Variants in NSUN7 observed in about 807,000 individuals in gnomAD.
NSUN7 encodes protein NSUN7.
NSUN7 carries 39 observed loss-of-function variants against 58.5 expected under a neutral mutation model. That is an observed-to-expected ratio of 0.67 (90% CI 0.52 to 0.87). NSUN7 has a LOEUF of 0.87. NSUN7 is among the 40% of genes least tolerant of loss of function. NSUN7 has a pLI of 0.00. For synonymous variants in NSUN7, 278 were observed against 303.7 expected (o/e 0.92, Z 0.88); for missense variants, 765 against 844.1 (o/e 0.91, Z 1.16).
At chr4:40,783,575 C>T (rs1272786104) in intron 7 of NSUN7, among the ~76,000 whole-genome samples, 4 of 152,120 alleles carry the variant, frequency 2.6e-5, no homozygotes, top group Non-Finnish European at 4.4e-5. Context: ...TGGCCAGGCA[C>T]GGTGGCTCAT....
chr4:40,784,040 A>T (rs549650348), intron 7 of NSUN7, among the ~76,000 whole-genome samples: 3 of 152,334 alleles, frequency 2.0e-5, no homozygotes, highest in African/African-American at 4.8e-5. Flanking sequence ...ATGTGAAAAG[A>T]TGCTCAAAAT....
intron 4 of NSUN7, chr4:40,773,358 C>T (rs867976536): frequency 1.3e-5 from 2 of 152,232 alleles, no homozygotes; most frequent in Non-Finnish European, 2.9e-5. Flanking sequence ...GTTTGTCTGA[C>T]TCTAAATCCT....
At chr4:40,760,544 G>A (rs1181673162) in intron 3 of NSUN7, 52 bp downstream of exon 3, 2 of 1,430,526 alleles carry the variant, frequency 1.4e-6, no homozygotes, top group Non-Finnish European at 9.7e-7. Context: ...TTTTAAAAAA[G>A]AAAGTGTTTA....
chr4:40,774,288 C>T lies in NSUN7; in HGVS notation c.512C>T (p.Ala171Val). 6.2e-7 allele frequency: 1 copy of T among 1,614,062 alleles called. No individual in the cohort carries two copies. The highest frequency in any genetic ancestry group is 1.3e-5 in the African/African-American group (1 of 75,040). The change falls in exon 5 of 12, where the codon GCA (alanine) becomes GTA (valine). Residue 171 changes from alanine to valine, a missense_variant. Coordinates refer to ENST00000381782, the MANE Select transcript of NSUN7 (RefSeq NM_024677.6). ...AGTTTTAAGATAAAATTGGCTGCAG[C>T]ATTGGCAAGATGTCGAATCAAGCAT... is the stretch of plus-strand genomic sequence containing the variant. ...LNSFKIKLAA[A>V]LARCRIKHDA... is the part of the protein sequence containing the mutation.
Position 40,807,139 on chromosome 4 carries a change from A to G in NSUN7, c.1479A>G (p.Pro493=), listed in dbSNP as rs1004410392. The change falls in exon 11 of 12, where the codon CCA becomes CCG. Residue 493 remains proline, a synonymous_variant. Transcript: ENST00000381782. ...CTGATAAATTTTTCAGAATGGAACC[A>G]TCTGAAATTACCAATGGTTGTTTTC... The part of the protein sequence containing the change: ...LSTDKFFRME[P]SEITNGCFLS... 6.4e-7 allele frequency: 1 copy of G among 1,550,456 alleles called. No homozygotes were observed. The highest frequency in any genetic ancestry group is 1.4e-5 in the African/African-American group (1 of 73,020).
At chr4:40,770,768 G>A (rs1231288337) in intron 4 of NSUN7, among the ~76,000 whole-genome samples, 1 of 152,082 alleles carries the variant, frequency 6.6e-6, no homozygotes, top group Non-Finnish European at 1.5e-5. Context: ...AATAAACTGA[G>A]GTGGCTGGGC....
At chr4:40,807,356 T>C (rs1337449404) in intron 11 of NSUN7, among the ~76,000 whole-genome samples, 172 bp downstream of exon 11, 47 of 151,702 alleles carry the variant, frequency 3.1e-4, no homozygotes, top group Middle Eastern at 3.4e-3. Context: ...TGTTCTTTTT[T>C]TTTTTTTTTT....
chr4:40,764,842 A>G (rs1336485433), intron 4 of NSUN7, among the ~76,000 whole-genome samples: 6 of 152,102 alleles, frequency 3.9e-5, no homozygotes, highest in Non-Finnish European at 8.8e-5. Context: ...GATGATGAGC[A>G]TTTTCTCATG....
intron 8 of NSUN7, among the ~76,000 whole-genome samples, chr4:40,791,017 T>A (rs1743053017): frequency 6.6e-6 from 1 of 152,152 alleles, no homozygotes; most frequent in African/African-American, 2.4e-5. Context: ...ATTCTGAATA[T>A]ACCAGAGCTC....
chr4:40,807,156 G>C lies in NSUN7; in HGVS notation c.1496G>C (p.Gly499Ala). ...FRMEPSEITN[G>A]CFLSILTRER... ...ATGGAACCATCTGAAATTACCAATG[G>C]TTGTTTTCTTTCTATTTTAACAAGG... Residue 499 changes from glycine (G) to alanine (A), a missense_variant, in exon 11 of 12, where the codon GGT becomes GCT. Gly to Ala is a moderately conservative substitution (Grantham distance 60, BLOSUM62 0). Coordinates refer to ENST00000381782, the MANE Select transcript of NSUN7 (RefSeq NM_024677.6). 6.5e-7 allele frequency: 1 copy of C among 1,548,994 alleles called. No individual in the cohort carries two copies. Among genetic ancestry groups the C allele is most frequent in the South Asian group, 1.2e-5 (1 of 83,620 alleles).
rs764194773 is a variant in NSUN7, at chr4:40,774,437, T to C, written c.641+20T>C. 1.2e-6 allele frequency: 2 copies of C among 1,603,360 alleles called. No individual in the cohort carries two copies. The highest frequency in any genetic ancestry group is 2.7e-5 in the African/African-American group (2 of 74,572). ...AATCAGGTAAGTGTTTAAATCAAAT[T>C]CTTTATATTTCAAGTCTCCATCCTT... On this transcript the variant is annotated intron_variant, in intron 5 of 11. Coordinates refer to ENST00000381782, the MANE Select transcript of NSUN7 (RefSeq NM_024677.6).
At chr4:40,764,334 G>T (rs1484441337) in intron 4 of NSUN7, among the ~76,000 whole-genome samples, 2 of 148,962 alleles carry the variant, frequency 1.3e-5, no homozygotes, top group Non-Finnish European at 1.5e-5. Context: ...GCAGTGTTTG[G>T]TTTTTTGTCC....
At chr4:40,759,419 G>A (rs1005222863) in intron 2 of NSUN7, among the ~76,000 whole-genome samples, 10 of 152,174 alleles carry the variant, frequency 6.6e-5, no homozygotes, top group African/African-American at 1.9e-4. Context: ...TTTTAAATAT[G>A]TCCACTTGTT....
chr4:40,756,223 G>A (rs1045897307), intron 2 of NSUN7, among the ~76,000 whole-genome samples: 1 of 152,222 alleles, frequency 6.6e-6, no homozygotes, highest in Admixed American at 6.5e-5. Context: ...CAGGAAGAGG[G>A]CGAGAGATAC....
intron 5 of NSUN7, 23 bp downstream of exon 5, chr4:40,774,440 T>G: frequency 6.2e-7 from 1 of 1,603,150 alleles, no homozygotes. Context: ...ATCAAATTCT[T>G]TATATTTCAA....
chr4:40,773,884 C>T lies in NSUN7; in HGVS notation c.489-381C>T, dbSNP rs542399238. 9.9e-5 allele frequency among the ~76,000 whole-genome samples: 15 copies of T among 152,084 alleles called. No individual in the cohort carries two copies. In the South Asian group the frequency reaches 1.2e-3, roughly 13 times the overall value. On this transcript the variant is annotated intron_variant, in intron 4 of 11. Transcript: ENST00000381782. ...TGGAATCTCGGTTCACTGCAACCTC[C>T]GCCTCCTGGGTTCAAGTGATTCTCC... is the stretch of plus-strand genomic sequence containing the variant.
In NSUN7 at chr4:40,808,292, CTTCT is replaced by C. The variant is rs759975872; in HGVS notation, c.1525-12_1525-9del. On this transcript the variant is annotated splice_polypyrimidine_tract_variant and intron_variant, in intron 11 of 11. Coordinates refer to ENST00000381782, the MANE Select transcript of NSUN7 (RefSeq NM_024677.6). ...AGCTAACTCCCACATTTAGTAAATG[CTTCT>C]TTAATTGCAGCGGGACCCTTCTGAG... The C allele has an allele frequency of 8.2e-6, 13 of 1,583,504 alleles. No individual in the cohort carries two copies. The highest frequency in any genetic ancestry group is 1.1e-5 in the Non-Finnish European group (13 of 1,166,220).
At chr4:40,755,151 G>A (rs12511651) in intron 2 of NSUN7, among the ~76,000 whole-genome samples, 42,040 of 151,926 alleles carry the variant, frequency 0.28, 6,053 homozygotes, top group Middle Eastern at 0.35. Context: ...GTGCAGTGGC[G>A]CGATCTCGGC....
chr4:40,750,638 G>A lies in NSUN7; in HGVS notation c.-56G>A, dbSNP rs963831176. 1 of 1,579,216 alleles carries A rather than the reference G, an allele frequency of 6.3e-7. No homozygotes were observed. The highest frequency in any genetic ancestry group is 1.4e-5 in the African/African-American group (1 of 73,912). ...GCAGATGCGAGGAAAGCCGTTTCCT[G>A]GAACATCGGAATTCTAACCCCAGGG... On this transcript the variant is annotated 5_prime_UTR_variant, in exon 2 of 12. Coordinates refer to ENST00000381782, the MANE Select transcript of NSUN7 (RefSeq NM_024677.6).
Sources: gnomAD v4.1 joint callset for allele counts (sites outside exome capture counted in the v4.1 genomes callset) on GRCh38, gnomAD v4.1.1 for gene constraint, MANE v1.5 for transcripts, NCBI Gene and HGNC (gene_info 2026-07-23, HGNC 2026-07-21) for gene names.